The following KCNIP4 variants were observed in gnomAD, a reference collection of about 807,000 sequenced individuals.
KCNIP4 encodes Kv channel-interacting protein 4.
Under a neutral mutation model 34.0 loss-of-function variants are expected in KCNIP4, and 12 were observed. The ratio of observed to expected loss-of-function variants is 0.35; its 90% CI spans 0.23 to 0.57. The LOEUF (loss-of-function observed/expected upper bound fraction) is 0.57, where lower values mean the gene tolerates loss of function less well. Among genes scored for constraint, KCNIP4 ranks in the 20% least tolerant of loss-of-function variants. The pLI is 0.83. For synonymous variants in KCNIP4, 124 were observed against 102.2 expected (o/e 1.21, Z -1.29); for missense variants, 238 against 311.7 (o/e 0.76, Z 1.78).
At chr4:21,666,285 G>A (rs1292551249) in intron 1 of KCNIP4, among the ~76,000 whole-genome samples, 5 of 152,164 alleles carry the variant, frequency 3.3e-5, no homozygotes, top group Non-Finnish European at 2.9e-5. Flanking sequence ...GTACATAACC[G>A]TTGTTTTCTT....
intron 5 of KCNIP4, among the ~76,000 whole-genome samples, chr4:20,743,964 A>C (rs1225954346): frequency 2.1e-4 from 32 of 152,172 alleles, no homozygotes; most frequent in Non-Finnish European, 3.7e-4. Flanking sequence ...ATATGAACAG[A>C]CTCTTCTCAA....
chr4:20,850,823 C>T, intron 2 of KCNIP4, 156 bp from the exon 3 acceptor site: 2 of 731,806 alleles, frequency 2.7e-6, no homozygotes, highest in South Asian at 7.0e-5. Context: ...TTACATTTCC[C>T]AGTTTAAGCG....
intron 1 of KCNIP4, among the ~76,000 whole-genome samples, chr4:21,906,777 A>C (rs1389020330): frequency 1.3e-5 from 2 of 152,178 alleles, no homozygotes; most frequent in African/African-American, 4.8e-5. Flanking sequence ...CCCTGATAAC[A>C]TCTAAATGTG....
chr4:20,744,067 C>T (rs1028203707), intron 5 of KCNIP4, among the ~76,000 whole-genome samples: 7 of 152,114 alleles, frequency 4.6e-5, no homozygotes, highest in African/African-American at 1.7e-4. Context: ...AATGAGATAC[C>T]ATCTCACACC....
At chr4:21,420,342 A>C (rs567900975) in intron 1 of KCNIP4, among the ~76,000 whole-genome samples, 8 of 152,228 alleles carry the variant, frequency 5.3e-5, no homozygotes, top group Non-Finnish European at 1.0e-4. Context: ...GGCTGTCATC[A>C]TCTTGTTTAT....
chr4:21,866,762 ATTTTTTTT>A (rs770568451), intron 1 of KCNIP4, among the ~76,000 whole-genome samples: 6 of 82,726 alleles, frequency 7.3e-5, no homozygotes, highest in Middle Eastern at 0.03. Context: ...TTCAGCCTGG[ATTTTTTTT>A]TTTTTTTTTT....
At chr4:21,802,105 G>T (rs758688115) in intron 1 of KCNIP4, among the ~76,000 whole-genome samples, 10 of 151,894 alleles carry the variant, frequency 6.6e-5, no homozygotes, top group African/African-American at 9.7e-5. Context: ...TTAACCCCAG[G>T]CTACTGAGAC....
Position 21,151,405 on chromosome 4 carries a change from A to ATTTTTTT in KCNIP4, c.62-268697_62-268696insAAAAAAA, listed in dbSNP as rs1491541435. On this transcript the variant is annotated intron_variant, in intron 1 of 8. Coordinates refer to ENST00000382152, the MANE Select transcript of KCNIP4 (RefSeq NM_025221.6). ...AGAATGGATGTCTTCAACAAAAGACAATTTTTTTTTTTTTTTTTTTTTTTT... is the reference window on the plus strand; with the variant it reads ...AGAATGGATGTCTTCAACAAAAGACATTTTTTTATTTTTTTTTTTTTTTTTTTTTTTT... 5.9e-4 allele frequency among the ~76,000 whole-genome samples: 55 copies of ATTTTTTT among 93,510 alleles called. 8 individuals carry two copies. The highest frequency in any genetic ancestry group is 1.8e-3 in the African/African-American group (45 of 24,716). 61.3% of individuals were successfully genotyped at this position (93,510 alleles called of 152,430 possible).
At chr4:21,060,610 A>G (rs949461450) in intron 1 of KCNIP4, among the ~76,000 whole-genome samples, 13 of 152,172 alleles carry the variant, frequency 8.5e-5, no homozygotes, top group African/African-American at 3.1e-4. Context: ...TTGCATATAA[A>G]GGAGTCATGT....
intron 3 of KCNIP4, among the ~76,000 whole-genome samples, chr4:20,778,471 C>A (rs968400263): frequency 6.6e-6 from 1 of 152,118 alleles, no homozygotes; most frequent in Non-Finnish European, 1.5e-5. Context: ...GACACACACA[C>A]AAATCAGTAC....
At chr4:21,836,642 C>A (rs1723339215) in intron 1 of KCNIP4, among the ~76,000 whole-genome samples, 1 of 152,218 alleles carries the variant, frequency 6.6e-6, no homozygotes, top group Non-Finnish European at 1.5e-5. Context: ...AAATGCTGGT[C>A]TCTAAAGGAC....
At chr4:21,112,050 T>TATCTATCTATCTATCC (rs1553940046) in intron 1 of KCNIP4, among the ~76,000 whole-genome samples, 7,164 of 151,852 alleles carry the variant, frequency 0.047, 250 homozygotes, top group South Asian at 0.13. Context: ...TCTATCTATC[T>TATCTATCTATCTATCC]ATCTATCTAT....
chr4:21,104,679 T>A (rs1335158119), intron 1 of KCNIP4, among the ~76,000 whole-genome samples: 1 of 151,862 alleles, frequency 6.6e-6, no homozygotes, highest in Non-Finnish European at 1.5e-5. Context: ...CATGTGTATG[T>A]CCTGAATATT....
At chr4:21,142,065 C>T (rs1344524190) in intron 1 of KCNIP4, among the ~76,000 whole-genome samples, 4 of 146,286 alleles carry the variant, frequency 2.7e-5, no homozygotes, top group Admixed American at 1.4e-4. Context: ...GCAGGAGAAT[C>T]GTGTGAACCC....
At chr4:21,449,084 G>A (rs1408407125) in intron 1 of KCNIP4, among the ~76,000 whole-genome samples, 1 of 152,156 alleles carries the variant, frequency 6.6e-6, no homozygotes, top group African/African-American at 2.4e-5. Context: ...CTAGCAGTCA[G>A]GGGCCCAGGC....
At chr4:21,865,688 A>G (rs2109357741) in intron 1 of KCNIP4, among the ~76,000 whole-genome samples, 1 of 151,968 alleles carries the variant, frequency 6.6e-6, no homozygotes, top group Admixed American at 6.5e-5. Flanking sequence ...GATTACAGGC[A>G]TGCGCCACCA....
In KCNIP4 at chr4:21,504,156, C is replaced by A. The variant is rs1733595172; in HGVS notation, c.61+444415G>T. ...GCACGTCTGTACCCAGCCTGGTCAA[C>A]AATGTAGTCATGATAGAGTGGTAGA... On this transcript the variant is annotated intron_variant, in intron 1 of 8. Coordinates refer to ENST00000382152, the MANE Select transcript of KCNIP4 (RefSeq NM_025221.6). Among the ~76,000 whole-genome samples, 2 of 151,984 alleles carry A rather than the reference C, an allele frequency of 1.3e-5. 1 individual carries two copies. The highest frequency in any genetic ancestry group is 4.1e-4 in the South Asian group (2 of 4,828).
intron 1 of KCNIP4, among the ~76,000 whole-genome samples, chr4:21,194,611 A>G (rs963105942): frequency 6.6e-6 from 1 of 152,168 alleles, no homozygotes; most frequent in Non-Finnish European, 1.5e-5. Context: ...AGACAGGGTA[A>G]TCGGAATATA....
chr4:21,419,091 G>A (rs981120253), intron 1 of KCNIP4, among the ~76,000 whole-genome samples: 3 of 152,244 alleles, frequency 2.0e-5, no homozygotes, highest in South Asian at 2.1e-4. Flanking sequence ...CATGGAATAC[G>A]AATCAAGGTT....
Sources: gnomAD v4.1 joint callset for allele counts (sites outside exome capture counted in the v4.1 genomes callset) on GRCh38, gnomAD v4.1.1 for gene constraint, MANE v1.5 for transcripts, NCBI Gene and HGNC (gene_info 2026-07-23, HGNC 2026-07-21) for gene names.